Variants in IL23R observed in about 807,000 individuals in gnomAD.
IL23R encodes interleukin 23 receptor.
In IL23R, 34 loss-of-function variants were observed where a neutral mutation model predicts 56.9. The ratio of observed to expected loss-of-function variants is 0.60; its 90% CI spans 0.45 to 0.80. IL23R has a LOEUF of 0.80. Among genes scored for constraint, IL23R ranks in the 30% least tolerant of loss-of-function variants. IL23R has a pLI of 0.00. For missense variants in IL23R, 635 were observed against 730.0 expected, an observed-to-expected ratio of 0.87 and a Z score of 1.50; for synonymous variants, 230 against 249.2, an observed-to-expected ratio of 0.92 and a Z score of 0.73.
At chr1:67,194,216 C>A (rs1004182114) in intron 4 of IL23R, among the ~76,000 whole-genome samples, 2 of 151,692 alleles carry the variant, frequency 1.3e-5, no homozygotes, top group Admixed American at 6.6e-5. Context: ...AAGCACGGTT[C>A]ATCATATCAT....
chr1:67,152,659 G>C (rs1646738850), intron 1 of IL23R, among the ~76,000 whole-genome samples: 1 of 152,090 alleles, frequency 6.6e-6, no homozygotes. Flanking sequence ...TAACATGAAG[G>C]GATGTTGAAT....
intron 9 of IL23R, among the ~76,000 whole-genome samples, chr1:67,248,372 A>G (rs1368613911): frequency 2.0e-5 from 3 of 151,826 alleles, no homozygotes; most frequent in African/African-American, 7.3e-5. Flanking sequence ...TTAATCTTCA[A>G]TCTCTGGTAT....
rs563582899 is a variant in IL23R, at chr1:67,220,007, G to A, written c.955+277G>A. Reference sequence around the variant, plus strand: ...GATTGCGTGAGCCCGGGAGTTTGATGCTGCAGTGAGCTATGATCATCCCAC... The same window carrying A: ...GATTGCGTGAGCCCGGGAGTTTGATACTGCAGTGAGCTATGATCATCCCAC... On this transcript the variant is annotated intron_variant, in intron 7 of 10. Coordinates refer to ENST00000347310, the MANE Select transcript of IL23R (RefSeq NM_144701.3). 1.0e-3 allele frequency among the ~76,000 whole-genome samples: 154 copies of A among 152,166 alleles called. 1 individual carries two copies. Among genetic ancestry groups the A allele is most frequent in the Middle Eastern group, 6.8e-3 (2 of 294 alleles).
chr1:67,259,581 G>T lies in IL23R; in HGVS notation c.*453G>T, dbSNP rs1235501455. ...TCCTCTTTATTTTCCCTCATTGAAAGATGCAAAACAGCTCTCTATTGTGTA... is the reference window on the plus strand; with the variant it reads ...TCCTCTTTATTTTCCCTCATTGAAATATGCAAAACAGCTCTCTATTGTGTA... On this transcript the variant is annotated 3_prime_UTR_variant, in exon 11 of 11. Coordinates refer to ENST00000347310, the MANE Select transcript of IL23R (RefSeq NM_144701.3). 1 of 206,434 alleles carries T rather than the reference G, an allele frequency of 4.8e-6. No individual in the cohort carries two copies. Among genetic ancestry groups the T allele is most frequent in the East Asian group, 1.2e-4 (1 of 8,016 alleles). The allele number at this position is 206,434 out of a possible 1,614,324, so 12.8% of individuals were successfully genotyped here.
intron 1 of IL23R, among the ~76,000 whole-genome samples, chr1:67,158,695 G>A (rs144088529): frequency 7.2e-5 from 11 of 152,040 alleles, no homozygotes; most frequent in Admixed American, 3.9e-4. Flanking sequence ...TCCAAGTCCT[G>A]CCTCTGGAGT....
chr1:67,162,461 T>C (rs1646830999), upstream of IL23R, among the ~76,000 whole-genome samples: 1 of 152,012 alleles, frequency 6.6e-6, no homozygotes, highest in South Asian at 2.1e-4. Flanking sequence ...CACTCCAGCC[T>C]GGGAGACAGA....
At chr1:67,183,284 C>A (rs1204817645) in intron 4 of IL23R, among the ~76,000 whole-genome samples, 1 of 152,192 alleles carries the variant, frequency 6.6e-6, no homozygotes, top group East Asian at 1.9e-4. Flanking sequence ...ACCTGTAATC[C>A]CACACTTTGG....
At chr1:67,173,999 T>C (rs1241065106) in intron 3 of IL23R, among the ~76,000 whole-genome samples, 1 of 152,214 alleles carries the variant, frequency 6.6e-6, no homozygotes, top group Admixed American at 6.5e-5. Context: ...ACTTAAACTG[T>C]CTTCTTCAAC....
In IL23R at chr1:67,255,906, C is replaced by T. The variant is rs1652920045; in HGVS notation, c.1218C>T (p.Ser406=). ...LYEDIPNMKN[S]NVVKMLQENS... ...AAGATATTCCTAATATGAAAAACAGCAATGTTGTGAAAATGCTACAGGTAA... is the reference window on the plus strand; with the variant it reads ...AAGATATTCCTAATATGAAAAACAGTAATGTTGTGAAAATGCTACAGGTAA... The change falls in exon 10 of 11, where the codon AGC becomes AGT. Residue 406 remains serine, a synonymous_variant. Coordinates refer to ENST00000347310, the MANE Select transcript of IL23R (RefSeq NM_144701.3). 3.1e-6 allele frequency: 5 copies of T among 1,598,556 alleles called. No individual in the cohort carries two copies. The highest frequency in any genetic ancestry group is 4.3e-6 in the Non-Finnish European group (5 of 1,166,350).
In IL23R at chr1:67,259,219, G is replaced by GA. The variant is rs375556247; in HGVS notation, c.*98dup. The stretch of plus-strand genomic sequence containing the variant: ...TAGAAATTGAATTCTGCCTCTTTTT[G>GA]AAAAAAATGTATTCACATACAAATC... On this transcript the variant is annotated 3_prime_UTR_variant, in exon 11 of 11. Coordinates refer to ENST00000347310, the MANE Select transcript of IL23R (RefSeq NM_144701.3). The GA allele has an allele frequency of 4.8e-6, 6 of 1,239,490 alleles. No individual in the cohort carries two copies. Among genetic ancestry groups the GA allele is most frequent in the East Asian group, 2.4e-5 (1 of 41,500 alleles). The allele number at this position is 1,239,490 out of a possible 1,614,324, so 76.8% of individuals were successfully genotyped here. A position where few individuals can be genotyped will look rare whatever the true frequency, so the allele number is the denominator to read the frequency against.
chr1:67,186,844 C>T (rs1187437150), intron 4 of IL23R, among the ~76,000 whole-genome samples: 1 of 152,160 alleles, frequency 6.6e-6, no homozygotes. Context: ...TGGTATGGAA[C>T]TCCTGAGCTC....
At chr1:67,142,537 A>G (rs1416508449) in intron 1 of IL23R, among the ~76,000 whole-genome samples, 1 of 152,210 alleles carries the variant, frequency 6.6e-6, no homozygotes. Context: ...TTATAAATAC[A>G]GCAACACAGA....
chr1:67,260,919 A>C (rs1653184424), downstream of IL23R, among the ~76,000 whole-genome samples: 1 of 152,166 alleles, frequency 6.6e-6, no homozygotes, highest in Non-Finnish European at 1.5e-5. Flanking sequence ...TTCATTCATT[A>C]AAATAGGTAG....
At chr1:67,165,473 C>A (rs993644767), upstream of IL23R, among the ~76,000 whole-genome samples, 12 of 152,016 alleles carry the variant, frequency 7.9e-5, no homozygotes, top group Non-Finnish European at 1.6e-4. Flanking sequence ...GATCTATAGT[C>A]CCCCCACAGA....
chr1:67,144,235 T>C (rs1292003862), intron 1 of IL23R, among the ~76,000 whole-genome samples: 13 of 152,214 alleles, frequency 8.5e-5, no homozygotes, highest in Non-Finnish European at 1.6e-4. Flanking sequence ...AAATCATTAC[T>C]ACAGAGCAGC....
chr1:67,164,653 A>T (rs10889662), upstream of IL23R, among the ~76,000 whole-genome samples: 16 of 58,656 alleles, frequency 2.7e-4, no homozygotes, highest in African/African-American at 7.9e-4. Context: ...AAATAAAATA[A>T]AATAAAATAA....
At chr1:67,177,852 C>T (rs1028219537) in intron 3 of IL23R, among the ~76,000 whole-genome samples, 2 of 150,970 alleles carry the variant, frequency 1.3e-5, no homozygotes, top group African/African-American at 5.0e-5. Context: ...GCCAGTTTCC[C>T]AACACAATTT....
At chr1:67,244,667 CT>C (rs1336305423) in intron 9 of IL23R, among the ~76,000 whole-genome samples, 9 of 152,030 alleles carry the variant, frequency 5.9e-5, no homozygotes, top group Non-Finnish European at 1.3e-4. Flanking sequence ...TTCCATTGGT[CT>C]ATATATCTGT....
intron 3 of IL23R, among the ~76,000 whole-genome samples, chr1:67,176,862 A>T (rs1647017149): frequency 6.6e-6 from 1 of 151,880 alleles, no homozygotes; most frequent in South Asian, 2.1e-4. Context: ...TTCAGTTCCC[A>T]CCTATGAGTG....
Sources: allele counts gnomAD v4.1 joint callset (sites outside exome capture counted in the v4.1 genomes callset), GRCh38; gene constraint gnomAD v4.1.1; transcripts MANE v1.5; gene names NCBI Gene and HGNC (gene_info 2026-07-23, HGNC 2026-07-21).